The following FSTL5 variants were observed in gnomAD, a reference collection of about 807,000 sequenced individuals.
FSTL5 encodes the protein follistatin-related protein 5.
A neutral mutation model predicts 89.1 loss-of-function variants in FSTL5; 62 were observed. That is an observed-to-expected ratio of 0.70 (90% CI 0.57 to 0.86). The LOEUF (loss-of-function observed/expected upper bound fraction) is 0.86. Ranked by LOEUF, FSTL5 falls within the 40% of genes least tolerant of loss-of-function variation. The pLI, the probability that FSTL5 is intolerant of heterozygous loss-of-function variation, is 0.00. For synonymous variants in FSTL5, 383 were observed against 346.2 expected (o/e 1.11, Z -1.18); for missense variants, 1,057 against 1,001.6 (o/e 1.06, Z -0.75).
In FSTL5 at chr4:161,776,043, C is replaced by A; in HGVS notation, c.441G>T (p.Lys147Asn). The part of the protein sequence containing the change: ...GDKCKTTEYS[K>N]MKNMLLDLQN... ...GTAAATCTAATAGCATATTTTTCAT[C>A]TTGCTGTATTCAGTAGTCTTGCACT... is the stretch of plus-strand genomic sequence containing the variant. The change falls in exon 5 of 16, where the codon AAG becomes AAT. Residue 147 changes from lysine (K) to asparagine (N), a missense_variant. This residue lies in a region of FSTL5 where 980 missense variants were observed against 903.2 expected (regional missense o/e 1.08). Transcript: ENST00000306100. 1.3e-6 allele frequency: 2 copies of A among 1,579,790 alleles called. No homozygotes were observed. Among genetic ancestry groups the A allele is most frequent in the Non-Finnish European group, 1.7e-6 (2 of 1,155,444 alleles).
At chr4:161,726,224 T>C (rs1356318205) in intron 6 of FSTL5, among the ~76,000 whole-genome samples, 1 of 60,182 alleles carries the variant, frequency 1.7e-5, no homozygotes, top group Non-Finnish European at 4.1e-5. Flanking sequence ...CTTTTTTCTT[T>C]TTCTTTTTTT....
intron 1 of FSTL5, among the ~76,000 whole-genome samples, chr4:162,143,819 CAT>C (rs1380343654): frequency 2.0e-5 from 2 of 101,488 alleles, no homozygotes; most frequent in Admixed American, 9.5e-5. Flanking sequence ...CACACACACA[CAT>C]ACAAACACAC....
At chr4:162,161,759 T>C (rs1020199441) in intron 1 of FSTL5, among the ~76,000 whole-genome samples, 1 of 151,960 alleles carries the variant, frequency 6.6e-6, no homozygotes, top group Non-Finnish European at 1.5e-5. Flanking sequence ...AATTAAGATA[T>C]GTATTCATGT....
intron 4 of FSTL5, among the ~76,000 whole-genome samples, chr4:161,783,758 T>C (rs1322501791): frequency 8.2e-6 from 1 of 121,556 alleles, no homozygotes; most frequent in Non-Finnish European, 1.7e-5. Flanking sequence ...CTTTCTTTCT[T>C]TCCTTCTTTC....
At chr4:161,424,130 G>A (rs1732091815) in intron 15 of FSTL5, among the ~76,000 whole-genome samples, 1 of 147,636 alleles carries the variant, frequency 6.8e-6, no homozygotes, top group African/African-American at 2.5e-5. Flanking sequence ...GCCCGCCTCG[G>A]CCTCCCAAAG....
At chr4:162,072,064 T>C (rs1219262414) in intron 2 of FSTL5, among the ~76,000 whole-genome samples, 1 of 151,814 alleles carries the variant, frequency 6.6e-6, no homozygotes, top group Non-Finnish European at 1.5e-5. Context: ...CAGTAAGTGA[T>C]CAGTGAAAGT....
intron 12 of FSTL5, among the ~76,000 whole-genome samples, chr4:161,494,746 G>C (rs1475878641): frequency 2.0e-5 from 3 of 152,110 alleles, no homozygotes; most frequent in African/African-American, 7.2e-5. Context: ...CTACAGTTCA[G>C]TATCATTTAA....
At chr4:162,001,598 T>TTGTGTGTGTG (rs34546507) in intron 3 of FSTL5, among the ~76,000 whole-genome samples, 1,642 of 150,014 alleles carry the variant, frequency 0.011, 14 homozygotes, top group South Asian at 0.045. Context: ...GATACATGCA[T>TTGTGTGTGTG]TGTGTGTGTG....
intron 7 of FSTL5, among the ~76,000 whole-genome samples, chr4:161,619,919 G>A (rs1036670961): frequency 1.3e-5 from 2 of 151,966 alleles, no homozygotes; most frequent in East Asian, 1.9e-4. Context: ...ATTCACAATA[G>A]CAAAGACTTG....
intron 4 of FSTL5, among the ~76,000 whole-genome samples, chr4:161,899,473 A>G (rs1392173169): frequency 1.3e-5 from 2 of 152,206 alleles, no homozygotes; most frequent in Non-Finnish European, 2.9e-5. Context: ...GCTGACTAAT[A>G]CATTTACACA....
At chr4:162,104,021 C>T (rs1306926532) in intron 2 of FSTL5, among the ~76,000 whole-genome samples, 1 of 152,202 alleles carries the variant, frequency 6.6e-6, no homozygotes, top group East Asian at 1.9e-4. Flanking sequence ...TGCAACTGCA[C>T]TCTTCTGATC....
intron 2 of FSTL5, among the ~76,000 whole-genome samples, chr4:162,046,263 C>T (rs1320851243): frequency 2.6e-5 from 4 of 152,082 alleles, no homozygotes; most frequent in Non-Finnish European, 5.9e-5. Flanking sequence ...TTACTTACAA[C>T]ACAATGTTAA....
intron 3 of FSTL5, among the ~76,000 whole-genome samples, chr4:161,954,992 A>G (rs1338408656): frequency 6.6e-6 from 1 of 151,512 alleles, no homozygotes; most frequent in African/African-American, 2.4e-5. Context: ...AAACACAGTA[A>G]AATGCATGAG....
chr4:161,411,520 G>A (rs1404398525), intron 15 of FSTL5, among the ~76,000 whole-genome samples: 2 of 152,136 alleles, frequency 1.3e-5, no homozygotes, highest in African/African-American at 4.8e-5. Flanking sequence ...CTGGCATGCA[G>A]GGCTAATTCA....
At chr4:161,963,228 C>T (rs1271851088) in intron 3 of FSTL5, among the ~76,000 whole-genome samples, 1 of 151,608 alleles carries the variant, frequency 6.6e-6, no homozygotes, top group Non-Finnish European at 1.5e-5. Flanking sequence ...TTTGTTCTAG[C>T]AAGTTTATGT....
chr4:161,710,591 C>T (rs1738746248), intron 6 of FSTL5, among the ~76,000 whole-genome samples: 2 of 152,096 alleles, frequency 1.3e-5, no homozygotes, highest in African/African-American at 4.8e-5. Flanking sequence ...GCAGTGTCAG[C>T]CATTCTAGGT....
intron 2 of FSTL5, among the ~76,000 whole-genome samples, chr4:162,086,963 A>G (rs1249265406): frequency 6.6e-6 from 1 of 152,114 alleles, no homozygotes; most frequent in Admixed American, 6.6e-5. Context: ...AGTATTTAAA[A>G]GAGATAACCT....
intron 7 of FSTL5, among the ~76,000 whole-genome samples, chr4:161,588,504 GA>G (rs1006179140): frequency 2.0e-5 from 3 of 151,714 alleles, no homozygotes; most frequent in African/African-American, 7.3e-5. Context: ...AAGAAAGGAA[GA>G]AAAAAACTTG....
chr4:162,047,481 G>A (rs1224957956), intron 2 of FSTL5: 1 of 151,978 alleles, frequency 6.6e-6, no homozygotes, highest in Admixed American at 6.6e-5. Context: ...GCATTTCTAA[G>A]CAAGTGTGAG....
Sources: gnomAD v4.1 joint callset for allele counts (sites outside exome capture counted in the v4.1 genomes callset) on GRCh38, gnomAD v4.1.1 for gene constraint, gnomAD v4.1.1 regional missense constraint, MANE v1.5 for transcripts, NCBI Gene and HGNC (gene_info 2026-07-23, HGNC 2026-07-21) for gene names.